Variants in RANBP17 observed in about 807,000 individuals in gnomAD.
The protein encoded by RANBP17 is ran-binding protein 17.
A neutral mutation model predicts 141.2 loss-of-function variants in RANBP17; 158 were observed. That is an observed-to-expected ratio of 1.12 (90% confidence interval 0.98 to 1.28). RANBP17 has a LOEUF of 1.28. Among genes scored for constraint, RANBP17 ranks in the 50% most tolerant of loss-of-function variants. The pLI is 0.00. For missense variants in RANBP17, 1,438 were observed against 1,290.7 expected (o/e 1.11, Z -1.75); for synonymous variants, 430 against 450.0 (o/e 0.96, Z 0.56).
rs2127384533 is a variant in RANBP17 at position 170,892,421 on chromosome 5, C to G, written c.291C>G (p.Pro97=). 2 of 1,613,176 alleles carry G rather than the reference C, an allele frequency of 1.2e-6. No individual in the cohort carries two copies. The highest frequency in any genetic ancestry group is 1.7e-6 in the Non-Finnish European group (2 of 1,179,634). ...TTCTGAATTACGTGGCATCACAGCC[C>G]AAGCTGGCTCCCTTTGTCATCCAAG... ...NYILNYVASQ[P]KLAPFVIQAL... is the part of the protein sequence containing the mutation. Residue 97 remains proline, a synonymous_variant, in exon 4 of 28, where the codon CCC becomes CCG. Coordinates refer to ENST00000523189, the MANE Select transcript of RANBP17 (RefSeq NM_022897.5).
chr5:171,286,699 A>G (rs984306059), intron 25 of RANBP17, among the ~76,000 whole-genome samples: 2 of 152,196 alleles, frequency 1.3e-5, no homozygotes, highest in Non-Finnish European at 2.9e-5. Context: ...TTTGAGCAGG[A>G]TCACATTTCA....
chr5:171,145,494 G>T (rs1443691011), intron 14 of RANBP17, among the ~76,000 whole-genome samples: 9 of 152,066 alleles, frequency 5.9e-5, no homozygotes, highest in Non-Finnish European at 1.5e-5. Flanking sequence ...GAGTAGACTT[G>T]CCCTTACTTC....
At chr5:171,214,138 G>C (rs1393311476) in intron 21 of RANBP17, among the ~76,000 whole-genome samples, 1 of 152,166 alleles carries the variant, frequency 6.6e-6, no homozygotes, top group Non-Finnish European at 1.5e-5. Context: ...TAAGGAAACT[G>C]GTTCTCACAG....
intron 14 of RANBP17, among the ~76,000 whole-genome samples, chr5:171,003,762 C>T (rs372283148): frequency 3.9e-5 from 6 of 152,106 alleles, no homozygotes; most frequent in Admixed American, 6.5e-5. Flanking sequence ...TGAAGCCTTG[C>T]GGCAGTACAG....
At chr5:171,294,682 C>CA (rs1227967914) in intron 26 of RANBP17, among the ~76,000 whole-genome samples, 1 of 152,206 alleles carries the variant, frequency 6.6e-6, no homozygotes, top group African/African-American at 2.4e-5. Context: ...AGAGCTGTCT[C>CA]ATCATTCACC....
intron 12 of RANBP17, among the ~76,000 whole-genome samples, chr5:170,932,136 T>A (rs1318586167): frequency 6.6e-6 from 1 of 152,222 alleles, no homozygotes; most frequent in African/African-American, 2.4e-5. Context: ...CCTTGTAAGT[T>A]GGATTCCTAG....
chr5:171,037,855 TGAATGCCTCCA>T (rs1390532739), intron 14 of RANBP17, among the ~76,000 whole-genome samples: 1 of 152,146 alleles, frequency 6.6e-6, no homozygotes, highest in African/African-American at 2.4e-5. Context: ...GGTAATGTGA[TGAATGCCTCCA>T]GATTTGTTCT....
At chr5:170,931,246 T>C (rs1330895886) in intron 12 of RANBP17, among the ~76,000 whole-genome samples, 1 of 152,212 alleles carries the variant, frequency 6.6e-6, no homozygotes, top group African/African-American at 2.4e-5. Flanking sequence ...TTGCCCACTT[T>C]TTGATGGGGT....
chr5:171,077,018 C>A (rs766014498), intron 14 of RANBP17, among the ~76,000 whole-genome samples: 4 of 152,070 alleles, frequency 2.6e-5, no homozygotes, highest in Non-Finnish European at 5.9e-5. Flanking sequence ...AATGTAGAGA[C>A]AACCAGCCAT....
At chr5:170,898,673 A>G (rs1770347780) in intron 5 of RANBP17, among the ~76,000 whole-genome samples, 2 of 152,090 alleles carry the variant, frequency 1.3e-5, no homozygotes, top group Admixed American at 1.3e-4. Flanking sequence ...TAAGTCTTTA[A>G]TCCATCTTGA....
chr5:171,094,071 T>C (rs537408793), intron 14 of RANBP17, among the ~76,000 whole-genome samples: 1 of 152,312 alleles, frequency 6.6e-6, no homozygotes, highest in Non-Finnish European at 1.5e-5. Context: ...ATGCAGTATA[T>C]CTTGTTATTT....
In RANBP17 at chr5:170,913,207, CAAAG is replaced by C. The variant is rs558560114; in HGVS notation, c.761-955_761-952del. On this transcript the variant is annotated intron_variant, in intron 7 of 27. Transcript: ENST00000523189. Reference sequence around the variant, plus strand: ...CTAAGGAAGCTACTTGATGTACAAGCAAAGAAAGTGGAAGATAATGGAATTTGGG... The same window carrying C: ...CTAAGGAAGCTACTTGATGTACAAGCAAAGTGGAAGATAATGGAATTTGGG... 7.2e-5 allele frequency among the ~76,000 whole-genome samples: 11 copies of C among 151,912 alleles called. No homozygotes were observed. In the South Asian group the frequency reaches 2.3e-3, roughly 32 times the overall value.
At chr5:171,221,039 C>T (rs1282016837) in intron 21 of RANBP17, among the ~76,000 whole-genome samples, 1 of 152,036 alleles carries the variant, frequency 6.6e-6, no homozygotes, top group African/African-American at 2.4e-5. Flanking sequence ...TTTTGTTTTG[C>T]TAATCCTTTT....
At chr5:171,028,923 T>C (rs1316012242) in intron 14 of RANBP17, 2 of 1,288,680 alleles carry the variant, frequency 1.6e-6, no homozygotes, top group African/African-American at 3.0e-5. Flanking sequence ...CCAACTCGGG[T>C]TTCTTCTTCC....
At chr5:171,216,173 GGTT>G (rs973953191) in intron 21 of RANBP17, among the ~76,000 whole-genome samples, 1 of 152,054 alleles carries the variant, frequency 6.6e-6, no homozygotes, top group Non-Finnish European at 1.5e-5. Context: ...TTTCTCCATT[GGTT>G]GTTATTGTCA....
At chr5:171,163,190 G>T (rs1232963971) in intron 14 of RANBP17, among the ~76,000 whole-genome samples, 1 of 151,982 alleles carries the variant, frequency 6.6e-6, no homozygotes, top group Non-Finnish European at 1.5e-5. Flanking sequence ...CTAATTTCAG[G>T]CTTATATTTA....
intron 14 of RANBP17, among the ~76,000 whole-genome samples, chr5:171,030,312 T>G (rs1265529220): frequency 6.6e-6 from 1 of 152,076 alleles, no homozygotes; most frequent in Admixed American, 6.6e-5. Context: ...TGGAACCATG[T>G]TACTGTTGGA....
At chr5:170,871,483 C>A (rs1290036796) in intron 1 of RANBP17, among the ~76,000 whole-genome samples, 3 of 152,148 alleles carry the variant, frequency 2.0e-5, no homozygotes, top group Non-Finnish European at 4.4e-5. Flanking sequence ...ATTGCCTGTT[C>A]CCTCTGATGA....
chr5:171,290,598 G>A (rs1045540873), intron 25 of RANBP17, among the ~76,000 whole-genome samples: 2 of 152,164 alleles, frequency 1.3e-5, no homozygotes, highest in African/African-American at 4.8e-5. Context: ...CAGGTTTTCA[G>A]AACAACAGAA....
Sources: gnomAD v4.1 joint callset for allele counts (sites outside exome capture counted in the v4.1 genomes callset) on GRCh38, gnomAD v4.1.1 for gene constraint, MANE v1.5 for transcripts, NCBI Gene and HGNC (gene_info 2026-07-23, HGNC 2026-07-21) for gene names.